FRMPD4: variants seen among roughly 807,000 people sequenced by gnomAD.
FRMPD4 encodes the protein FERM and PDZ domain containing 4, also known as FERM and PDZ domain-containing protein 4.
Under a neutral mutation model 94.1 loss-of-function variants are expected in FRMPD4, and 22 were observed. That is an observed-to-expected ratio of 0.23 (90% CI 0.17 to 0.33). FRMPD4 has a LOEUF of 0.33. Ranked by LOEUF, FRMPD4 falls within the 10% of genes least tolerant of loss-of-function variation. FRMPD4 has a pLI of 1.00. For missense variants in FRMPD4, 1,111 were observed against 1,339.9 expected, an observed-to-expected ratio of 0.83 and a Z score of 2.67; for synonymous variants, 631 against 548.6, an observed-to-expected ratio of 1.15 and a Z score of -2.10.
intron 3 of FRMPD4, among the ~76,000 whole-genome samples, chrX:12,022,544 A>T (rs2054637262): frequency 9.0e-6 from 1 of 111,574 alleles, no homozygotes; most frequent in Non-Finnish European, 1.9e-5. Flanking sequence ...GACATGATGC[A>T]CCCAGCCTTC....
At chrX:11,882,460 C>A (rs2053819441) in intron 3 of FRMPD4, among the ~76,000 whole-genome samples, 1 of 111,123 alleles carries the variant, frequency 9.0e-6, no homozygotes, top group Non-Finnish European at 1.9e-5. Flanking sequence ...GTTTGAGCAT[C>A]CCTAATTCGA....
At chrX:11,873,778 G>T (rs891067842) in intron 2 of FRMPD4, among the ~76,000 whole-genome samples, 6 of 109,848 alleles carry the variant, frequency 5.5e-5, no homozygotes, top group Non-Finnish European at 7.6e-5. Context: ...AAAGGACCTA[G>T]AATAGCGAAA....
intron 1 of FRMPD4, among the ~76,000 whole-genome samples, chrX:12,285,347 A>G (rs1442546780): frequency 1.8e-5 from 2 of 111,989 alleles, no homozygotes; most frequent in Non-Finnish European, 3.8e-5. Flanking sequence ...CATCAACTCT[A>G]CAAATTTCTG....
At chrX:12,480,592 G>A (rs185527749) in intron 1 of FRMPD4, among the ~76,000 whole-genome samples, 13 of 111,581 alleles carry the variant, frequency 1.2e-4, no homozygotes, top group Non-Finnish European at 2.1e-4. Flanking sequence ...TCACTAAAAT[G>A]AGATTGGCCT....
Position 12,383,007 on chromosome X carries a change from G to A in FRMPD4, c.42-115673G>A, listed in dbSNP as rs2056347427. Among the ~76,000 whole-genome samples the A allele has an allele frequency of 2.7e-5, 3 of 111,443 alleles. No homozygotes were observed. In the South Asian group the frequency reaches 1.2e-3, roughly 43 times the overall value. ...CCTTCTCTGGAACTTTTCCCATAGG[G>A]CTGGTATTACCTATATTCTGTGCTC... is the stretch of plus-strand genomic sequence containing the variant. On this transcript the variant is annotated intron_variant, in intron 1 of 16. Transcript: ENST00000675598.
chrX:12,231,038 A>G (rs1164547398), intron 1 of FRMPD4, among the ~76,000 whole-genome samples: 2 of 62,493 alleles, frequency 3.2e-5, no homozygotes, highest in African/African-American at 1.3e-4. Context: ...TAGTATATAT[A>G]TATATATATA....
chrX:11,875,112 C>CA (rs1255153322), intron 2 of FRMPD4, among the ~76,000 whole-genome samples: 1 of 111,991 alleles, frequency 8.9e-6, no homozygotes, highest in Non-Finnish European at 1.9e-5. Context: ...CTTGGCCAGT[C>CA]AAAAAAGCTC....
chrX:12,605,420 T>C (rs2059122479), intron 2 of FRMPD4, among the ~76,000 whole-genome samples: 1 of 111,701 alleles, frequency 9.0e-6, no homozygotes, highest in African/African-American at 3.3e-5. Context: ...TTCTGCGGCT[T>C]CTGCCACTCT....
At chrX:12,383,825 G>A (rs909222441) in intron 1 of FRMPD4, among the ~76,000 whole-genome samples, 8 of 111,464 alleles carry the variant, frequency 7.2e-5, no homozygotes, top group African/African-American at 9.8e-5. Context: ...GCAGAGACAC[G>A]GCAGCCACAC....
chrX:12,346,647 GC>G (rs1442613672), intron 1 of FRMPD4, among the ~76,000 whole-genome samples: 1 of 111,169 alleles, frequency 9.0e-6, no homozygotes, highest in Non-Finnish European at 1.9e-5. Flanking sequence ...TTTGGAGTCT[GC>G]CTCCTAGATT....
chrX:12,271,798 C>A (rs1364110004), intron 1 of FRMPD4, among the ~76,000 whole-genome samples: 1 of 112,103 alleles, frequency 8.9e-6, no homozygotes, highest in Non-Finnish European at 1.9e-5. Context: ...TAGACAATTG[C>A]ATCCCAAACT....
chrX:11,871,653 G>A (rs969730436), intron 2 of FRMPD4, among the ~76,000 whole-genome samples: 1 of 112,130 alleles, frequency 8.9e-6, no homozygotes, highest in Non-Finnish European at 1.9e-5. Flanking sequence ...ATTGAGCATT[G>A]CAGCTAGACT....
chrX:12,431,351 T>C (rs2057008007), intron 1 of FRMPD4, among the ~76,000 whole-genome samples: 1 of 112,315 alleles, frequency 8.9e-6, no homozygotes, highest in Non-Finnish European at 1.9e-5. Flanking sequence ...TATGTTCTTC[T>C]CACCATATTT....
At chrX:11,920,214 AT>A (rs928870756) in intron 3 of FRMPD4, among the ~76,000 whole-genome samples, 1 of 112,044 alleles carries the variant, frequency 8.9e-6, no homozygotes, top group African/African-American at 3.2e-5. Context: ...ACATTTTTTC[AT>A]TTTTTTCACT....
intron 1 of FRMPD4, among the ~76,000 whole-genome samples, chrX:11,835,406 C>G: frequency 8.9e-6 from 1 of 112,217 alleles, no homozygotes; most frequent in East Asian, 2.8e-4. Flanking sequence ...TCTTTCTTAT[C>G]AAAGCATCCA....
At chrX:11,902,167 T>C (rs1315490310) in intron 3 of FRMPD4, among the ~76,000 whole-genome samples, 1 of 113,039 alleles carries the variant, frequency 8.8e-6, no homozygotes, top group Non-Finnish European at 1.9e-5. Context: ...TTTTGCTTTT[T>C]TCATCAAATT....
chrX:12,185,043 A>T (rs750512012), intron 1 of FRMPD4, among the ~76,000 whole-genome samples: 63 of 108,642 alleles, frequency 5.8e-4, no homozygotes, highest in South Asian at 1.6e-3. Context: ...AGGGAGGGAT[A>T]CTCCATTTTC....
intron 3 of FRMPD4, among the ~76,000 whole-genome samples, chrX:12,094,048 C>A (rs897833571): frequency 1.1e-4 from 12 of 112,155 alleles, no homozygotes; most frequent in African/African-American, 3.9e-4. Context: ...CTTTCCAAAT[C>A]TTCTCATTTG....
chrX:11,930,453 A>G (rs1454545325), intron 3 of FRMPD4, among the ~76,000 whole-genome samples: 1 of 106,304 alleles, frequency 9.4e-6, no homozygotes, highest in African/African-American at 3.4e-5. Context: ...AAACATACAC[A>G]CAGAGAAGGT....
Sources: allele counts gnomAD v4.1 joint callset (sites outside exome capture counted in the v4.1 genomes callset), GRCh38; gene constraint gnomAD v4.1.1; transcripts MANE v1.5; gene names NCBI Gene and HGNC (gene_info 2026-07-23, HGNC 2026-07-21).